Variants in CACNA2D3 observed in about 807,000 individuals in gnomAD.
CACNA2D3 encodes the protein voltage-dependent calcium channel subunit alpha-2/delta-3.
In CACNA2D3, 60 loss-of-function variants were observed where a neutral mutation model predicts 160.6. The ratio of observed to expected loss-of-function variants is 0.37; its 90% CI spans 0.30 to 0.46. CACNA2D3 has a LOEUF of 0.46. Among genes scored for constraint, CACNA2D3 ranks in the 20% least tolerant of loss-of-function variants. The pLI, the probability that CACNA2D3 is intolerant of heterozygous loss-of-function variation, is 1.00. For missense variants in CACNA2D3, 1,205 were observed against 1,365.0 expected (o/e 0.88, Z 1.85); for synonymous variants, 558 against 492.9 (o/e 1.13, Z -1.75).
At chr3:55,017,013 G>A (rs112400862) in intron 34 of CACNA2D3, among the ~76,000 whole-genome samples, 3 of 152,266 alleles carry the variant, frequency 2.0e-5, no homozygotes, top group Non-Finnish European at 2.9e-5. Context: ...ATATCTCCCC[G>A]TAGTTCTGCC....
chr3:54,251,063 C>T (rs540823410), intron 2 of CACNA2D3, among the ~76,000 whole-genome samples: 1 of 152,264 alleles, frequency 6.6e-6, no homozygotes, highest in African/African-American at 2.4e-5. Context: ...TAATCTCAGC[C>T]ATAGACTCTT....
intron 4 of CACNA2D3, among the ~76,000 whole-genome samples, chr3:54,498,653 T>A (rs183939953): frequency 1.3e-5 from 2 of 152,082 alleles, no homozygotes; most frequent in African/African-American, 4.8e-5. Flanking sequence ...CTTGTTAAGG[T>A]AGAATCTTAA....
chr3:54,670,304 C>T (rs1332843967), intron 11 of CACNA2D3, among the ~76,000 whole-genome samples: 5 of 152,132 alleles, frequency 3.3e-5, no homozygotes, highest in Admixed American at 2.6e-4. Context: ...GGTGCACAGA[C>T]GTGTGCTGGC....
At chr3:54,473,393 T>G (rs1475661860) in intron 4 of CACNA2D3, among the ~76,000 whole-genome samples, 1 of 152,154 alleles carries the variant, frequency 6.6e-6, no homozygotes, top group Non-Finnish European at 1.5e-5. Flanking sequence ...CAGGATGGAT[T>G]AAAGACTTAA....
At chr3:54,728,457 T>C (rs571798915) in intron 11 of CACNA2D3, among the ~76,000 whole-genome samples, 9 of 152,222 alleles carry the variant, frequency 5.9e-5, no homozygotes, top group Non-Finnish European at 1.3e-4. Flanking sequence ...ATCTGTTTCC[T>C]TCAATATTTT....
At chr3:54,965,751 G>A (rs1375076629) in intron 27 of CACNA2D3, among the ~76,000 whole-genome samples, 1 of 152,208 alleles carries the variant, frequency 6.6e-6, no homozygotes, top group Non-Finnish European at 1.5e-5. Context: ...GAAAGGGGAT[G>A]AGGTCAGCTA....
chr3:54,298,210 G>A (rs1000034290), intron 2 of CACNA2D3, among the ~76,000 whole-genome samples: 3 of 152,188 alleles, frequency 2.0e-5, no homozygotes, highest in Admixed American at 6.5e-5. Context: ...GAGAGTGAGG[G>A]CAAATAGAAA....
At chr3:54,898,649 A>G (rs528155860) in intron 26 of CACNA2D3, among the ~76,000 whole-genome samples, 3 of 152,330 alleles carry the variant, frequency 2.0e-5, no homozygotes, top group Admixed American at 6.5e-5. Context: ...CCTTGTCACA[A>G]TCCTCTAAAG....
At chr3:54,748,615 G>A (rs1026409305) in intron 11 of CACNA2D3, among the ~76,000 whole-genome samples, 4 of 151,886 alleles carry the variant, frequency 2.6e-5, no homozygotes, top group Non-Finnish European at 5.9e-5. Context: ...TAATGAAAGT[G>A]GTGCGCTCCA....
intron 4 of CACNA2D3, among the ~76,000 whole-genome samples, chr3:54,405,169 A>G (rs761594553): frequency 8.6e-5 from 13 of 151,844 alleles, no homozygotes; most frequent in Non-Finnish European, 1.5e-4. Context: ...ATCCAATGCA[A>G]TCCCTATCAA....
chr3:54,835,250 A>G (rs1294410726), intron 14 of CACNA2D3, among the ~76,000 whole-genome samples: 2 of 152,216 alleles, frequency 1.3e-5, no homozygotes, highest in Non-Finnish European at 2.9e-5. Context: ...TTTTTCCAAC[A>G]CCTGCCAGCT....
chr3:54,125,575 T>C (rs1296309744), intron 2 of CACNA2D3, among the ~76,000 whole-genome samples: 2 of 152,226 alleles, frequency 1.3e-5, no homozygotes, highest in African/African-American at 4.8e-5. Flanking sequence ...TGGAATCGTC[T>C]GCTCTGGGGG....
intron 3 of CACNA2D3, among the ~76,000 whole-genome samples, chr3:54,325,230 CTGAT>C (rs1704097963): frequency 6.6e-6 from 1 of 152,140 alleles, no homozygotes; most frequent in Non-Finnish European, 1.5e-5. Context: ...ACGGACATCT[CTGAT>C]TGTAAGGATA....
rs759208974 is a variant in CACNA2D3, at chr3:54,764,270, A to G, written c.1299A>G (p.Glu433=). ...TLADVQENVM[E]YLHVLSRPKV... ...CTGATGTGCAGGAGAATGTCATGGAATACCTTCACGTGCTTAGCCGGCCCA... is the reference window on the plus strand; with the variant it reads ...CTGATGTGCAGGAGAATGTCATGGAGTACCTTCACGTGCTTAGCCGGCCCA... The change falls in exon 13 of 38, where the codon GAA becomes GAG. Residue 433 remains glutamate, a synonymous_variant. Coordinates refer to ENST00000474759, the MANE Select transcript of CACNA2D3 (RefSeq NM_018398.3). The G allele has an allele frequency of 3.7e-6, 6 of 1,613,900 alleles. No homozygotes were observed. The South Asian group carries it at 5.5e-5, about 15-fold the overall frequency.
At chr3:54,436,415 A>T (rs1261221424) in intron 4 of CACNA2D3, among the ~76,000 whole-genome samples, 2 of 152,244 alleles carry the variant, frequency 1.3e-5, no homozygotes, top group East Asian at 3.8e-4. Context: ...TGACCCAGCA[A>T]TGCCATTACT....
chr3:54,151,249 A>C (rs574207024), intron 2 of CACNA2D3, among the ~76,000 whole-genome samples: 1 of 151,498 alleles, frequency 6.6e-6, no homozygotes, highest in South Asian at 2.1e-4. Flanking sequence ...ATGGATGGAT[A>C]GGTGAATGGA....
chr3:54,922,739 A>G (rs953775647), intron 27 of CACNA2D3, among the ~76,000 whole-genome samples: 4 of 151,996 alleles, frequency 2.6e-5, no homozygotes, highest in Admixed American at 6.6e-5. Context: ...ACGACTCCCC[A>G]TGGATATGTA....
intron 2 of CACNA2D3, among the ~76,000 whole-genome samples, chr3:54,240,414 G>A (rs1202456582): frequency 6.6e-6 from 1 of 152,078 alleles, no homozygotes; most frequent in Admixed American, 6.5e-5. Context: ...CTTCTCAAAG[G>A]CGGTTACTGA....
chr3:54,212,371 G>T (rs1274054973), intron 2 of CACNA2D3, among the ~76,000 whole-genome samples: 1 of 152,112 alleles, frequency 6.6e-6, no homozygotes, highest in Non-Finnish European at 1.5e-5. Context: ...CAGGTTATAG[G>T]TAGATTTAAA....
Sources: gnomAD v4.1 joint callset for allele counts (sites outside exome capture counted in the v4.1 genomes callset) on GRCh38, gnomAD v4.1.1 for gene constraint, MANE v1.5 for transcripts, NCBI Gene and HGNC (gene_info 2026-07-23, HGNC 2026-07-21) for gene names.